The following RASA1 variants were observed in gnomAD, a reference collection of about 807,000 sequenced individuals.
RASA1 encodes the protein RAS p21 protein activator 1.
Under a neutral mutation model 132.2 loss-of-function variants are expected in RASA1, and 25 were observed. The observed-to-expected ratio is 0.19, with a 90% confidence interval of 0.14 to 0.26. The LOEUF (loss-of-function observed/expected upper bound fraction) is 0.26. Ranked by LOEUF, RASA1 falls within the 10% of genes least tolerant of loss-of-function variation. The pLI, the probability that RASA1 is intolerant of heterozygous loss-of-function variation, is 1.00. For synonymous variants in RASA1, 477 were observed against 449.9 expected, an observed-to-expected ratio of 1.06 and a Z score of -0.76; for missense variants, 964 against 1,299.2, an observed-to-expected ratio of 0.74 and a Z score of 3.97.
intron 7 of RASA1, among the ~76,000 whole-genome samples, chr5:87,348,212 AAGG>A (rs1759000698): frequency 6.6e-6 from 1 of 152,016 alleles, no homozygotes; most frequent in African/African-American, 2.4e-5. Context: ...GATTCAGTTT[AAGG>A]AGATTTATTT....
Position 87,318,654 on chromosome 5 carries a change from C to G in RASA1, c.540-12694C>G, listed in dbSNP as rs191272703. 2.6e-5 allele frequency: 4 copies of G among 152,298 alleles called. No homozygotes were observed. In the East Asian group the frequency reaches 7.7e-4, roughly 29 times the overall value. The allele number at this position is 152,298 out of a possible 1,614,324, so 9.4% of individuals were successfully genotyped here. A position where few individuals can be genotyped will look rare whatever the true frequency, so the allele number is the denominator to read the frequency against. On this transcript the variant is annotated intron_variant, in intron 1 of 24. Coordinates refer to ENST00000274376, the MANE Select transcript of RASA1 (RefSeq NM_002890.3). ...GCAAGGGGAAATTTGCTCCCATGAT[C>G]CAATCACCTCCTACCAGGTCCCCTC...
intron 4 of RASA1, among the ~76,000 whole-genome samples, chr5:87,336,492 C>G (rs1757980633): frequency 6.6e-6 from 1 of 151,768 alleles, no homozygotes; most frequent in Non-Finnish European, 1.5e-5. Flanking sequence ...ATAAAAATAC[C>G]TTAAAAATTA....
At chr5:87,272,292 C>T (rs532044659) in intron 1 of RASA1, among the ~76,000 whole-genome samples, 3 of 151,702 alleles carry the variant, frequency 2.0e-5, no homozygotes, top group Non-Finnish European at 2.9e-5. Flanking sequence ...TAAAAAATAC[C>T]CTCCATTTAT....
At position 87,362,746 on chromosome 5, in the gene RASA1, T is replaced by C. The variant is rs185730411; in HGVS notation, c.1453+75T>C. On this transcript the variant is annotated intron_variant, in intron 10 of 24. Transcript: ENST00000274376. ...ATGGAGCTCCGAACTTATTGTGATA[T>C]ATATTTAATAAGTTTTGACATGAGT... 5.3e-4 allele frequency: 791 copies of C among 1,494,336 alleles called. 2 individuals are homozygous for C. In the African/African-American group the frequency reaches 9.7e-3, roughly 18 times the overall value. 92.6% of individuals were successfully genotyped at this position (1,494,336 alleles called of 1,614,324 possible). A position where few individuals can be genotyped will look rare whatever the true frequency, so the allele number is the denominator to read the frequency against.
intron 1 of RASA1, among the ~76,000 whole-genome samples, chr5:87,283,299 G>A (rs1754404276): frequency 6.6e-6 from 1 of 151,632 alleles, no homozygotes; most frequent in Non-Finnish European, 1.5e-5. Flanking sequence ...ATAGCTGATT[G>A]AAAATTAAAA....
At chr5:87,375,920 A>G (rs182065811) in intron 15 of RASA1, among the ~76,000 whole-genome samples, 1 of 152,318 alleles carries the variant, frequency 6.6e-6, no homozygotes, top group Non-Finnish European at 1.5e-5. Flanking sequence ...ATGACACAGA[A>G]CGAAGGCCAT....
intron 9 of RASA1, among the ~76,000 whole-genome samples, chr5:87,357,447 A>G (rs549491797): frequency 3.9e-5 from 6 of 152,256 alleles, no homozygotes; most frequent in African/African-American, 1.4e-4. Flanking sequence ...AAATTAAATC[A>G]TACATTTCCC....
intron 1 of RASA1, among the ~76,000 whole-genome samples, chr5:87,325,070 G>A (rs983016735): frequency 2.0e-5 from 3 of 152,056 alleles, no homozygotes; most frequent in Admixed American, 6.6e-5. Flanking sequence ...TCATAGTTCC[G>A]CAGGGCTGGG....
At chr5:87,311,805 A>G (rs1462670289) in intron 1 of RASA1, among the ~76,000 whole-genome samples, 2 of 152,230 alleles carry the variant, frequency 1.3e-5, no homozygotes, top group East Asian at 3.8e-4. Context: ...GCATGGACCA[A>G]GGCCCCTCCC....
In RASA1 at chr5:87,376,435, C is replaced by T; in HGVS notation, c.2054C>T (p.Ala685Val). Residue 685 changes from alanine to valine, a missense_variant, in exon 16 of 25, where the codon GCC becomes GTC. Physicochemically the swap from Ala to Val is moderately conservative, Grantham distance 64. Coordinates refer to ENST00000274376, the MANE Select transcript of RASA1 (RefSeq NM_002890.3). ...CQLSRLQKGHATDEWFLLSSH... is the reference protein window; with the variant it reads ...CQLSRLQKGHVTDEWFLLSSH... Reference sequence around the variant, plus strand: ...TTGAGCCGATTACAGAAAGGGCATGCCACAGATGAATGGTTTCTGCTCAGC... The same window carrying T: ...TTGAGCCGATTACAGAAAGGGCATGTCACAGATGAATGGTTTCTGCTCAGC... The T allele has an allele frequency of 1.9e-6, 3 of 1,613,960 alleles. No individual in the cohort carries two copies. Among genetic ancestry groups the T allele is most frequent in the Non-Finnish European group, 2.5e-6 (3 of 1,179,972 alleles).
chr5:87,279,717 T>C (rs1467787168), intron 1 of RASA1, among the ~76,000 whole-genome samples: 1 of 152,260 alleles, frequency 6.6e-6, no homozygotes, highest in Non-Finnish European at 1.5e-5. Context: ...TATCTCATTG[T>C]GATTTTGATT....
intron 1 of RASA1, among the ~76,000 whole-genome samples, chr5:87,322,591 C>T (rs544390833): frequency 6.6e-6 from 1 of 152,154 alleles, no homozygotes; most frequent in African/African-American, 2.4e-5. Flanking sequence ...CTCCCTTTGC[C>T]TTCTGCCATG....
chr5:87,352,525 T>C (rs1210512844), intron 8 of RASA1, among the ~76,000 whole-genome samples: 6 of 151,820 alleles, frequency 4.0e-5, no homozygotes, highest in Admixed American at 2.0e-4. Flanking sequence ...CACTAAAATT[T>C]ATATTAAAAT....
intron 1 of RASA1, among the ~76,000 whole-genome samples, chr5:87,290,954 A>G (rs747698904): frequency 1.2e-4 from 18 of 152,168 alleles, no homozygotes; most frequent in East Asian, 7.7e-4. Context: ...GAAGTTTTCA[A>G]TTTATTGGGA....
chr5:87,316,105 C>G (rs908762128), intron 1 of RASA1, among the ~76,000 whole-genome samples: 5 of 152,082 alleles, frequency 3.3e-5, no homozygotes, highest in African/African-American at 1.2e-4. Flanking sequence ...CTTTTTTGTG[C>G]TAGAATGCTC....
intron 1 of RASA1, among the ~76,000 whole-genome samples, chr5:87,274,474 T>G (rs532861466): frequency 6.6e-6 from 1 of 152,186 alleles, no homozygotes; most frequent in African/African-American, 2.4e-5. Flanking sequence ...TTGCTAAGAT[T>G]AGTTACGGAC....
At chr5:87,385,181 C>T (rs1238270775) in intron 21 of RASA1, 120 bp from the exon 22 acceptor site, 14 of 724,162 alleles carry the variant, frequency 1.9e-5, no homozygotes, top group South Asian at 9.4e-5. Flanking sequence ...TTCTGAGTTC[C>T]GAATGGAAGA....
At chr5:87,312,859 G>GA (rs1233611308) in intron 1 of RASA1, among the ~76,000 whole-genome samples, 1 of 152,088 alleles carries the variant, frequency 6.6e-6, no homozygotes, top group African/African-American at 2.4e-5. Flanking sequence ...CGCTATCAGA[G>GA]AAAAAAACAG....
At chr5:87,342,765 TATGTGTAGGA>T (rs1202182320) in intron 6 of RASA1, among the ~76,000 whole-genome samples, 2 of 152,196 alleles carry the variant, frequency 1.3e-5, no homozygotes, top group South Asian at 2.1e-4. Flanking sequence ...GTCTAGTTGA[TATGTGTAGGA>T]ATGTGAGTCT....
Sources: gnomAD v4.1 joint callset for allele counts (sites outside exome capture counted in the v4.1 genomes callset) on GRCh38, gnomAD v4.1.1 for gene constraint, MANE v1.5 for transcripts, NCBI Gene and HGNC (gene_info 2026-07-23, HGNC 2026-07-21) for gene names.